The following HEPHL1 variants were observed in gnomAD, a reference collection of about 807,000 sequenced individuals.
HEPHL1 encodes the protein ferroxidase HEPHL1.
Under a neutral mutation model 122.0 loss-of-function variants are expected in HEPHL1, and 123 were observed. The ratio of observed to expected loss-of-function variants is 1.01; its 90% confidence interval spans 0.87 to 1.17. The LOEUF is 1.17. Ranked by LOEUF, HEPHL1 falls within the 50% of genes most tolerant of loss-of-function variation. The pLI, the probability that HEPHL1 is intolerant of heterozygous loss-of-function variation, is 0.00. For missense variants in HEPHL1, 1,452 were observed against 1,430.5 expected, an observed-to-expected ratio of 1.01 and a Z score of -0.24; for synonymous variants, 527 against 508.9, an observed-to-expected ratio of 1.04 and a Z score of -0.48.
intron 11 of HEPHL1, among the ~76,000 whole-genome samples, 172 bp downstream of exon 11, chr11:94,086,361 A>G (rs1946218459): frequency 6.6e-6 from 1 of 152,244 alleles, no homozygotes; most frequent in Non-Finnish European, 1.5e-5. Context: ...AACACATAGT[A>G]TAAGGGACAA....
chr11:94,094,956 T>G (rs992265242), intron 13 of HEPHL1, among the ~76,000 whole-genome samples: 3 of 152,238 alleles, frequency 2.0e-5, no homozygotes, highest in Non-Finnish European at 4.4e-5. Context: ...ACCTGTTCAC[T>G]CTGATGGTAG....
chr11:94,088,729 T>C, intron 11 of HEPHL1, 26 bp from the exon 12 acceptor site: 1 of 1,580,830 alleles, frequency 6.3e-7, no homozygotes, highest in East Asian at 2.3e-5. Flanking sequence ...AGCACCACAC[T>C]CAATGCCGAG....
chr11:94,067,229 C>T (rs1285643887), intron 4 of HEPHL1, among the ~76,000 whole-genome samples: 1 of 152,174 alleles, frequency 6.6e-6, no homozygotes, highest in Admixed American at 6.5e-5. Flanking sequence ...CCTCATATTG[C>T]GTTCCCACAG....
intron 5 of HEPHL1, among the ~76,000 whole-genome samples, chr11:94,068,930 T>C (rs977513982): frequency 3.3e-5 from 5 of 152,180 alleles, no homozygotes; most frequent in Admixed American, 3.3e-4. Flanking sequence ...TGTAACACAT[T>C]CTTGTTCCTG....
intron 1 of HEPHL1, among the ~76,000 whole-genome samples, chr11:94,042,883 A>AAAAAACAAACAAAC (rs11271749): frequency 7.6e-6 from 1 of 132,398 alleles, no homozygotes; most frequent in South Asian, 2.5e-4. Flanking sequence ...AATAAAAAAA[A>AAAAAACAAACAAAC]AAAAAAAAAA....
At chr11:94,103,405 T>A (rs1177697451) in intron 15 of HEPHL1, among the ~76,000 whole-genome samples, 1 of 151,916 alleles carries the variant, frequency 6.6e-6, no homozygotes, top group Non-Finnish European at 1.5e-5. Context: ...AAAGAGGATA[T>A]GTAAATATAC....
intron 1 of HEPHL1, among the ~76,000 whole-genome samples, chr11:94,033,372 T>C (rs961411904): frequency 6.6e-6 from 1 of 152,138 alleles, no homozygotes; most frequent in African/African-American, 2.4e-5. Context: ...AAGTGTGTTT[T>C]CTCCCAGTAG....
intron 2 of HEPHL1, chr11:94,055,525 A>G (rs939233958): frequency 4.1e-6 from 1 of 242,914 alleles, no homozygotes; most frequent in Non-Finnish European, 8.4e-6. Context: ...GGTCGTTGTT[A>G]ACCGGCTTGG....
chr11:94,067,963 G>A (rs1333898042), intron 5 of HEPHL1, among the ~76,000 whole-genome samples: 1 of 152,172 alleles, frequency 6.6e-6, no homozygotes, highest in East Asian at 1.9e-4. Context: ...AAGTGGGGAA[G>A]TGATTAAAAA....
intron 1 of HEPHL1, among the ~76,000 whole-genome samples, chr11:94,025,433 AG>A (rs1043646698): frequency 3.5e-4 from 53 of 152,242 alleles, no homozygotes; most frequent in African/African-American, 1.1e-3. Context: ...TAATGGAAGT[AG>A]GGTGGGGTCA....
chr11:94,033,968 T>C (rs1419379265), intron 1 of HEPHL1, among the ~76,000 whole-genome samples: 2 of 152,034 alleles, frequency 1.3e-5, no homozygotes, highest in Admixed American at 1.3e-4. Context: ...CAAAGGGTGC[T>C]TGGCAGGTAG....
At chr11:94,070,336 A>G (rs1371742018) in intron 5 of HEPHL1, 38 bp from the exon 6 acceptor site, 1 of 1,548,424 alleles carries the variant, frequency 6.5e-7, no homozygotes, top group South Asian at 1.2e-5. Context: ...TTTTGTGATC[A>G]TTTATGCCTC....
chr11:94,059,932 G>A (rs1945970680), intron 2 of HEPHL1, among the ~76,000 whole-genome samples: 1 of 151,624 alleles, frequency 6.6e-6, no homozygotes, highest in East Asian at 1.9e-4. Flanking sequence ...GATCTCAATC[G>A]AAACTTCGAG....
intron 15 of HEPHL1, 29 bp from the exon 16 acceptor site, chr11:94,104,499 C>T (rs1356191256): frequency 6.7e-7 from 1 of 1,491,782 alleles, no homozygotes; most frequent in African/African-American, 1.4e-5. Flanking sequence ...CTTAATGGCT[C>T]TTTTAACTCA....
Position 94,093,100 on chromosome 11 carries a change from ATGTGTGTGTGTG to A in HEPHL1, c.2295-382_2295-371del, listed in dbSNP as rs58076312. 4.7e-5 allele frequency among the ~76,000 whole-genome samples: 7 copies of A among 148,818 alleles called. No homozygotes were observed. In the South Asian group the frequency reaches 8.7e-4, roughly 19 times the overall value. ...TCAGGGTGGTAGAGGGTGGACGTGT[ATGTGTGTGTGTG>A]TGTGTGTGTGTGTGTGTGATGACAC... On this transcript the variant is annotated intron_variant, in intron 12 of 19. Coordinates refer to ENST00000315765, the MANE Select transcript of HEPHL1 (RefSeq NM_001098672.2).
intron 1 of HEPHL1, among the ~76,000 whole-genome samples, chr11:94,023,537 A>C (rs1945598944): frequency 2.0e-5 from 3 of 152,222 alleles, no homozygotes; most frequent in African/African-American, 7.2e-5. Context: ...TGAAAGTACA[A>C]TAAAACATAT....
chr11:94,085,876 T>C lies in HEPHL1; in HGVS notation c.1868-101T>C, dbSNP rs919381606. The C allele has an allele frequency of 4.8e-6, 4 of 832,834 alleles. No homozygotes were observed. The African/African-American group carries it at 6.7e-5, about 14-fold the overall frequency. 51.6% of individuals were successfully genotyped at this position (832,834 alleles called of 1,614,324 possible). A position where few individuals can be genotyped will look rare whatever the true frequency, so the allele number is the denominator to read the frequency against. On this transcript the variant is annotated intron_variant, in intron 10 of 19. Transcript: ENST00000315765. ...TGTGGCTTTTCCCTGGTACTGTTTATTCTCTGAAAACAAGGATCTTTTGTA... is the reference window on the plus strand; with the variant it reads ...TGTGGCTTTTCCCTGGTACTGTTTACTCTCTGAAAACAAGGATCTTTTGTA...
chr11:94,104,361 G>T (rs776911034), intron 15 of HEPHL1, among the ~76,000 whole-genome samples, 167 bp from the exon 16 acceptor site: 19 of 152,204 alleles, frequency 1.2e-4, no homozygotes, highest in Admixed American at 1.2e-3. Context: ...TACTGTGATG[G>T]TGGTCAACAG....
At chr11:94,093,971 G>GATATAGATATATATATATAT in intron 13 of HEPHL1, among the ~76,000 whole-genome samples, 1 of 72,746 alleles carries the variant, frequency 1.4e-5, no homozygotes, top group South Asian at 6.1e-4. Context: ...TCCTCCAGCA[G>GATATAGATATATATATATAT]ATATATATAT....
Sources: allele counts gnomAD v4.1 joint callset (sites outside exome capture counted in the v4.1 genomes callset), GRCh38; gene constraint gnomAD v4.1.1; transcripts MANE v1.5; gene names NCBI Gene and HGNC (gene_info 2026-07-23, HGNC 2026-07-21).